TAFA2: variants seen among roughly 807,000 people sequenced by gnomAD.
TAFA2 encodes TAFA chemokine like family member 2, also known as chemokine-like protein TAFA-2.
TAFA2 carries 7 observed loss-of-function variants against 18.8 expected under a neutral mutation model. That is an observed-to-expected ratio of 0.37 (90% CI 0.21 to 0.70). The LOEUF is 0.70. Ranked by LOEUF, TAFA2 falls within the 30% of genes least tolerant of loss-of-function variation. The pLI is 0.53. For synonymous variants in TAFA2, 60 were observed against 54.2 expected, an observed-to-expected ratio of 1.11 and a Z score of -0.47; for missense variants, 122 against 158.1, an observed-to-expected ratio of 0.77 and a Z score of 1.23.
At chr12:62,086,245 T>G (rs1236355128) in intron 1 of TAFA2, among the ~76,000 whole-genome samples, 1 of 150,592 alleles carries the variant, frequency 6.6e-6, no homozygotes, top group Non-Finnish European at 1.5e-5. Context: ...AGCAAGATTG[T>G]TTGGATATGA....
intron 1 of TAFA2, among the ~76,000 whole-genome samples, chr12:62,027,047 A>G (rs140589052): frequency 1.3e-5 from 2 of 152,288 alleles, no homozygotes; most frequent in African/African-American, 4.8e-5. Context: ...CATATATAAA[A>G]GCACTATTTC....
intron 1 of TAFA2, among the ~76,000 whole-genome samples, chr12:62,033,416 T>C (rs994596099): frequency 6.6e-5 from 10 of 152,166 alleles, no homozygotes; most frequent in Admixed American, 2.6e-4. Context: ...AGGTTTGCTT[T>C]TTGTAATTGC....
At chr12:61,801,763 C>A (rs913916003) in intron 2 of TAFA2, among the ~76,000 whole-genome samples, 2 of 151,738 alleles carry the variant, frequency 1.3e-5, no homozygotes, top group Non-Finnish European at 2.9e-5. Flanking sequence ...ACAAATGGAA[C>A]TATATCAAAC....
At chr12:61,748,547 T>G (rs1868846118) in intron 4 of TAFA2, among the ~76,000 whole-genome samples, 1 of 152,128 alleles carries the variant, frequency 6.6e-6, no homozygotes, top group Admixed American at 6.5e-5. Flanking sequence ...TTCCTCTTGC[T>G]GTGTACATCA....
chr12:62,194,403 G>A (rs879638225), upstream of TAFA2, among the ~76,000 whole-genome samples: 3 of 151,490 alleles, frequency 2.0e-5, no homozygotes, highest in South Asian at 2.1e-4. Flanking sequence ...GTAATCTATA[G>A]TTTTGTCATC....
chr12:61,788,702 A>G (rs1870845848), intron 2 of TAFA2, among the ~76,000 whole-genome samples: 1 of 151,818 alleles, frequency 6.6e-6, no homozygotes, highest in South Asian at 2.1e-4. Flanking sequence ...GCAGAGAGGG[A>G]AAATGATAAA....
At chr12:61,783,845 C>G (rs560354675) in intron 2 of TAFA2, among the ~76,000 whole-genome samples, 1 of 151,554 alleles carries the variant, frequency 6.6e-6, no homozygotes, top group Non-Finnish European at 1.5e-5. Flanking sequence ...GGATAAGCAG[C>G]ATGCTCTTCA....
chr12:62,035,390 C>G (rs940159361), intron 1 of TAFA2, among the ~76,000 whole-genome samples: 4 of 152,060 alleles, frequency 2.6e-5, no homozygotes, highest in Non-Finnish European at 5.9e-5. Flanking sequence ...GAATACATAG[C>G]GCTCTAAGGG....
rs1429592740 is a variant in TAFA2 at position 62,234,872 on chromosome 12, C to G, written c.-130+23891G>C. ...AAAACCAGCAATGACTGGGACTCAGCTCGGGGCATCCCACGATCATGGGCA... is the reference window on the plus strand; with the variant it reads ...AAAACCAGCAATGACTGGGACTCAGGTCGGGGCATCCCACGATCATGGGCA... On this transcript the variant is annotated intron_variant, in intron 1 of 5. Transcript: ENST00000551619. The G allele has an allele frequency of 2.9e-6, 3 of 1,032,468 alleles. No homozygotes were observed. The African/African-American group carries it at 4.7e-5, about 16-fold the overall frequency. The allele number at this position is 1,032,468 out of a possible 1,614,324, so 64.0% of individuals were successfully genotyped here.
intron 1 of TAFA2, among the ~76,000 whole-genome samples, chr12:62,122,911 A>T (rs1870262849): frequency 6.6e-6 from 1 of 152,028 alleles, no homozygotes; most frequent in African/African-American, 2.4e-5. Flanking sequence ...GGCCTTTCTT[A>T]TGTTGCTTTT....
chr12:61,898,720 G>C (rs1020404082), intron 1 of TAFA2, among the ~76,000 whole-genome samples: 1 of 152,198 alleles, frequency 6.6e-6, no homozygotes, highest in African/African-American at 2.4e-5. Flanking sequence ...GGGAGGGCCT[G>C]CAGGGAAGGT....
At chr12:62,199,745 A>G (rs1045360125) in intron 1 of TAFA2, among the ~76,000 whole-genome samples, 1 of 152,086 alleles carries the variant, frequency 6.6e-6, no homozygotes, top group African/African-American at 2.4e-5. Context: ...TAATAGAATG[A>G]TTGATGTTCC....
At chr12:61,893,704 C>T (rs1190951606) in intron 1 of TAFA2, among the ~76,000 whole-genome samples, 1 of 152,122 alleles carries the variant, frequency 6.6e-6, no homozygotes, top group Non-Finnish European at 1.5e-5. Context: ...TAAAAATATT[C>T]CACTTATAAT....
chr12:62,052,838 A>C (rs1882092457), intron 1 of TAFA2, among the ~76,000 whole-genome samples: 2 of 152,238 alleles, frequency 1.3e-5, no homozygotes, highest in African/African-American at 4.8e-5. Context: ...TGCTAAATAA[A>C]GAGTGCAAGT....
At chr12:61,853,984 AC>A (rs1243624610) in intron 2 of TAFA2, among the ~76,000 whole-genome samples, 1 of 152,122 alleles carries the variant, frequency 6.6e-6, no homozygotes, top group Admixed American at 6.6e-5. Context: ...AAAAGAGAAA[AC>A]CTAAATGTAT....
chr12:61,815,802 T>A (rs1872059798), intron 2 of TAFA2, among the ~76,000 whole-genome samples: 1 of 151,308 alleles, frequency 6.6e-6, no homozygotes, highest in Non-Finnish European at 1.5e-5. Flanking sequence ...CTAGATAAAA[T>A]TTTTTCTCTA....
intron 2 of TAFA2, among the ~76,000 whole-genome samples, chr12:61,849,311 T>C (rs1873542990): frequency 6.6e-6 from 1 of 152,228 alleles, no homozygotes; most frequent in Non-Finnish European, 1.5e-5. Context: ...TAAACACTTC[T>C]GACTTTAAAT....
chr12:62,113,085 CT>C (rs1185261160), intron 1 of TAFA2, among the ~76,000 whole-genome samples: 2 of 152,066 alleles, frequency 1.3e-5, no homozygotes. Context: ...AATTTTCAGG[CT>C]TTTTGGGCTG....
chr12:61,747,224 G>A (rs1868759300), intron 4 of TAFA2, among the ~76,000 whole-genome samples: 1 of 150,686 alleles, frequency 6.6e-6, no homozygotes, highest in Non-Finnish European at 1.5e-5. Context: ...AACAGGTGCT[G>A]GAGAGGATGT....
Sources: allele counts gnomAD v4.1 joint callset (sites outside exome capture counted in the v4.1 genomes callset), GRCh38; gene constraint gnomAD v4.1.1; transcripts MANE v1.5; gene names NCBI Gene and HGNC (gene_info 2026-07-23, HGNC 2026-07-21).